Variants in ULK4 observed in about 807,000 individuals in gnomAD.
The protein encoded by ULK4 is inactive serine/threonine-protein kinase ULK4.
A neutral mutation model predicts 160.6 loss-of-function variants in ULK4; 133 were observed. That is an observed-to-expected ratio of 0.83 (90% confidence interval 0.72 to 0.96). The LOEUF (loss-of-function observed/expected upper bound fraction) is 0.96. Among genes scored for constraint, ULK4 ranks in the 40% least tolerant of loss-of-function variants. The pLI, the probability that ULK4 is intolerant of heterozygous loss-of-function variation, is 0.00. For missense variants in ULK4, 1,580 were observed against 1,499.5 expected (o/e 1.05, Z -0.89); for synonymous variants, 534 against 539.8 (o/e 0.99, Z 0.15).
At chr3:41,504,580 T>A (rs770046517) in intron 32 of ULK4, among the ~76,000 whole-genome samples, 1 of 152,132 alleles carries the variant, frequency 6.6e-6, no homozygotes, top group Non-Finnish European at 1.5e-5. Context: ...AAAATCATTA[T>A]TAAATTCCAA....
intron 35 of ULK4, among the ~76,000 whole-genome samples, chr3:41,268,213 A>G (rs2079077749): frequency 6.6e-6 from 1 of 152,180 alleles, no homozygotes; most frequent in African/African-American, 2.4e-5. Context: ...TTGAGAAACC[A>G]TAGGCTAGAC....
At chr3:41,420,815 A>T (rs2082646539) in intron 34 of ULK4, among the ~76,000 whole-genome samples, 1 of 111,632 alleles carries the variant, frequency 9.0e-6, no homozygotes, top group Non-Finnish European at 1.7e-5. Flanking sequence ...CAGTATTATT[A>T]AAAAAAAAAA....
At chr3:41,706,114 C>T (rs535715973) in intron 25 of ULK4, among the ~76,000 whole-genome samples, 159 of 152,062 alleles carry the variant, frequency 1.0e-3, no homozygotes, top group African/African-American at 3.7e-3. Context: ...CATGCTAGTG[C>T]CTCCTTTGCC....
chr3:41,480,084 G>A (rs1481965361), intron 32 of ULK4, among the ~76,000 whole-genome samples: 3 of 151,882 alleles, frequency 2.0e-5, no homozygotes, highest in Non-Finnish European at 4.4e-5. Context: ...GCGGGCGCCT[G>A]TAGTCCCAGC....
Position 41,390,849 on chromosome 3 carries a change from T to G in ULK4, c.3678+7230A>C, listed in dbSNP as rs142798368. Among the ~76,000 whole-genome samples the G allele has an allele frequency of 6.7e-3, 1,016 of 152,260 alleles. 4 individuals are homozygous for G. Among genetic ancestry groups the G allele is most frequent in the East Asian group, 0.015 (79 of 5,182 alleles). Reference sequence around the variant, plus strand: ...TGAGAAGAATGTATATTCTGTTGATTTGGGGTGGAGAGCTCTGTAGATGTC... The same window carrying G: ...TGAGAAGAATGTATATTCTGTTGATGTGGGGTGGAGAGCTCTGTAGATGTC... On this transcript the variant is annotated intron_variant, in intron 35 of 36. Transcript: ENST00000301831.
At chr3:41,574,687 G>C (rs2088127551) in intron 31 of ULK4, among the ~76,000 whole-genome samples, 1 of 151,898 alleles carries the variant, frequency 6.6e-6, no homozygotes, top group Non-Finnish European at 1.5e-5. Flanking sequence ...GACTACAGTT[G>C]CCTGCCCACC....
chr3:41,783,675 G>C (rs769133271), intron 21 of ULK4, among the ~76,000 whole-genome samples: 1 of 152,128 alleles, frequency 6.6e-6, no homozygotes. Flanking sequence ...TGCCCAGCTT[G>C]AATTCTCTAT....
At chr3:41,442,246 T>C (rs185484204) in intron 34 of ULK4, among the ~76,000 whole-genome samples, 101 of 152,296 alleles carry the variant, frequency 6.6e-4, no homozygotes, top group African/African-American at 2.2e-3. Context: ...TTTAATATCA[T>C]TGTTTGTGCT....
intron 32 of ULK4, among the ~76,000 whole-genome samples, chr3:41,526,216 T>C (rs1460391741): frequency 6.6e-6 from 1 of 152,216 alleles, no homozygotes; most frequent in African/African-American, 2.4e-5. Context: ...ATTTGTCCTT[T>C]CTCTGCCTTT....
At chr3:41,786,730 T>A (rs183320769) in intron 21 of ULK4, among the ~76,000 whole-genome samples, 2 of 152,164 alleles carry the variant, frequency 1.3e-5, no homozygotes, top group Admixed American at 6.5e-5. Flanking sequence ...CAGATACATT[T>A]AAAAAACTAG....
intron 4 of ULK4, 81 bp from the exon 5 acceptor site, chr3:41,932,087 A>C: frequency 2.3e-6 from 3 of 1,287,932 alleles, no homozygotes; most frequent in Admixed American, 2.7e-5. Context: ...AATTGTACTA[A>C]AGAACTTTTC....
intron 17 of ULK4, among the ~76,000 whole-genome samples, chr3:41,864,775 C>A (rs1417425378): frequency 6.6e-6 from 1 of 152,126 alleles, no homozygotes; most frequent in African/African-American, 2.4e-5. Context: ...ATCTTTTCTT[C>A]CTGTTATAGT....
At chr3:41,477,619 C>CGAGAAGT (rs2084183079) in intron 32 of ULK4, among the ~76,000 whole-genome samples, 9 of 152,186 alleles carry the variant, frequency 5.9e-5, no homozygotes, top group Admixed American at 4.6e-4. Context: ...ACCACTAAAA[C>CGAGAAGT]CAGAAGTCAC....
chr3:41,849,864 C>CAGG (rs1437853037), intron 17 of ULK4, among the ~76,000 whole-genome samples: 1 of 152,056 alleles, frequency 6.6e-6, no homozygotes, highest in Non-Finnish European at 1.5e-5. Context: ...ACACAACGTG[C>CAGG]AGGTTTGTTA....
chr3:41,551,626 T>C (rs2087071217), intron 32 of ULK4, among the ~76,000 whole-genome samples: 2 of 151,854 alleles, frequency 1.3e-5, no homozygotes, highest in African/African-American at 4.8e-5. Flanking sequence ...TCAATAATAA[T>C]AATAAATCTT....
intron 34 of ULK4, among the ~76,000 whole-genome samples, chr3:41,423,597 C>T (rs1204228530): frequency 1.3e-5 from 2 of 151,848 alleles, no homozygotes; most frequent in Non-Finnish European, 2.9e-5. Flanking sequence ...CCAAGATGGC[C>T]GAATAGAAAC....
chr3:41,370,051 A>G (rs1404885217), intron 35 of ULK4, among the ~76,000 whole-genome samples: 1 of 152,172 alleles, frequency 6.6e-6, no homozygotes, highest in East Asian at 1.9e-4. Context: ...CAGGTTGCTA[A>G]GCAACGTCAC....
At chr3:41,747,714 A>T (rs2038465365) in intron 22 of ULK4, among the ~76,000 whole-genome samples, 1 of 152,122 alleles carries the variant, frequency 6.6e-6, no homozygotes, top group South Asian at 2.1e-4. Context: ...TGGTGTCCTT[A>T]AAGAGGAAAA....
rs551529206 is a variant in ULK4, at chr3:41,263,647, G to T, written c.3679-14073C>A. 4.3e-4 allele frequency among the ~76,000 whole-genome samples: 65 copies of T among 152,306 alleles called. 1 individual carries two copies. The highest frequency in any genetic ancestry group is 1.5e-3 in the African/African-American group (62 of 41,570). On this transcript the variant is annotated intron_variant, in intron 35 of 36. Coordinates refer to ENST00000301831, the MANE Select transcript of ULK4 (RefSeq NM_017886.4). ...GCATGGACCATGACTGCAAGGATAT[G>T]CAATAAATATCATACATCCTGAATT...
Sources: gnomAD v4.1 joint callset for allele counts (sites outside exome capture counted in the v4.1 genomes callset) on GRCh38, gnomAD v4.1.1 for gene constraint, MANE v1.5 for transcripts, NCBI Gene and HGNC (gene_info 2026-07-23, HGNC 2026-07-21) for gene names.